Variants in MARCHF1 observed in about 807,000 individuals in gnomAD.
MARCHF1 encodes the protein membrane associated ring-CH-type finger 1, also known as E3 ubiquitin-protein ligase MARCHF1.
A neutral mutation model predicts 54.2 loss-of-function variants in MARCHF1; 40 were observed. That is an observed-to-expected ratio of 0.74 (90% confidence interval 0.57 to 0.96). The LOEUF (loss-of-function observed/expected upper bound fraction) is 0.96. MARCHF1 is among the 40% of genes least tolerant of loss of function. The pLI is 0.00. For missense variants in MARCHF1, 586 were observed against 656.5 expected (o/e 0.89, Z 1.17); for synonymous variants, 236 against 236.3 (o/e 1.00, Z 0.01).
chr4:163,800,469 T>C (rs1470196911), intron 4 of MARCHF1, among the ~76,000 whole-genome samples: 1 of 151,994 alleles, frequency 6.6e-6, no homozygotes, highest in Non-Finnish European at 1.5e-5. Flanking sequence ...AGTATTTTTC[T>C]TTTTACTTTT....
chr4:164,180,409 T>C (rs1189282446), intron 1 of MARCHF1, among the ~76,000 whole-genome samples: 2 of 152,230 alleles, frequency 1.3e-5, no homozygotes, highest in Non-Finnish European at 2.9e-5. Flanking sequence ...AAAAAATTGC[T>C]ACCTAATAGT....
intron 1 of MARCHF1, among the ~76,000 whole-genome samples, chr4:164,371,110 C>T (rs911689926): frequency 6.6e-6 from 1 of 151,858 alleles, no homozygotes; most frequent in African/African-American, 2.4e-5. Flanking sequence ...TAATAGAGAA[C>T]CAAGAACAGA....
intron 4 of MARCHF1, among the ~76,000 whole-genome samples, chr4:163,736,930 A>C (rs1746050939): frequency 6.6e-6 from 1 of 152,058 alleles, no homozygotes; most frequent in African/African-American, 2.4e-5. Flanking sequence ...TAATACTCCA[A>C]AGTGAAAAGC....
intron 2 of MARCHF1, among the ~76,000 whole-genome samples, chr4:164,030,899 T>C (rs1753863042): frequency 6.6e-6 from 1 of 152,128 alleles, no homozygotes; most frequent in Non-Finnish European, 1.5e-5. Flanking sequence ...TGTTGGTGTA[T>C]AGGAATGCTT....
intron 8 of MARCHF1, among the ~76,000 whole-genome samples, chr4:163,559,587 T>A (rs1739401906): frequency 6.6e-6 from 1 of 152,226 alleles, no homozygotes; most frequent in African/African-American, 2.4e-5. Context: ...ATAGTTTAAA[T>A]GACAGGAGCC....
At chr4:164,142,300 C>G (rs1412203930) in intron 1 of MARCHF1, among the ~76,000 whole-genome samples, 1 of 152,152 alleles carries the variant, frequency 6.6e-6, no homozygotes, top group Admixed American at 6.5e-5. Flanking sequence ...CCTGGAAGCT[C>G]AAACTGGGTG....
chr4:163,702,451 GTTA>G (rs2111234280), intron 4 of MARCHF1, among the ~76,000 whole-genome samples: 1 of 152,230 alleles, frequency 6.6e-6, no homozygotes, highest in Non-Finnish European at 1.5e-5. Flanking sequence ...GGTAGCAGTG[GTTA>G]TTTTGTTATG....
At chr4:163,602,856 G>GA (rs1308920482) in intron 7 of MARCHF1, among the ~76,000 whole-genome samples, 4 of 151,660 alleles carry the variant, frequency 2.6e-5, no homozygotes, top group African/African-American at 7.3e-5. Context: ...AACAAAAGCT[G>GA]AAAAAAAATC....
intron 1 of MARCHF1, among the ~76,000 whole-genome samples, chr4:164,122,954 T>A (rs916853901): frequency 3.3e-5 from 5 of 151,994 alleles, no homozygotes; most frequent in African/African-American, 1.2e-4. Context: ...AGAAAGCAAT[T>A]CAAGAAATTC....
intron 1 of MARCHF1, among the ~76,000 whole-genome samples, chr4:164,149,942 T>G (rs992625646): frequency 6.6e-6 from 1 of 152,222 alleles, no homozygotes; most frequent in Non-Finnish European, 1.5e-5. Context: ...AAAAGTAATC[T>G]GATTTCCTGA....
intron 8 of MARCHF1, chr4:163,584,860 G>A (rs1307803543): frequency 6.6e-6 from 1 of 152,150 alleles, no homozygotes; most frequent in Admixed American, 6.6e-5. Context: ...AAGCAACTCT[G>A]GGATGATTCA....
chr4:163,789,592 A>G (rs1561078565), intron 4 of MARCHF1, among the ~76,000 whole-genome samples: 1 of 137,716 alleles, frequency 7.3e-6, no homozygotes, highest in Non-Finnish European at 1.7e-5. Context: ...AAAGGAGCTG[A>G]TTCTTGGCTC....
At chr4:163,750,162 C>T (rs1746478729) in intron 4 of MARCHF1, among the ~76,000 whole-genome samples, 2 of 152,000 alleles carry the variant, frequency 1.3e-5, no homozygotes, top group Admixed American at 1.3e-4. Context: ...TATTCTGCTC[C>T]CTAGGAATCC....
intron 1 of MARCHF1, chr4:164,189,930 A>G (rs1731080029): frequency 6.4e-7 from 1 of 1,566,932 alleles, no homozygotes. Flanking sequence ...GGGTACAGGG[A>G]ACAAAAATAA....
chr4:164,050,190 G>A (rs1010379266), intron 2 of MARCHF1, among the ~76,000 whole-genome samples: 14 of 144,068 alleles, frequency 9.7e-5, no homozygotes, highest in East Asian at 2.1e-4. Context: ...CAGGAGAATC[G>A]CTTGAACCCA....
intron 3 of MARCHF1, among the ~76,000 whole-genome samples, chr4:163,931,367 C>A (rs987961394): frequency 2.6e-5 from 4 of 151,978 alleles, no homozygotes; most frequent in African/African-American, 9.7e-5. Flanking sequence ...AAAGTGTTAA[C>A]CCCCAAAGTG....
At chr4:164,148,504 T>C (rs939237132) in intron 1 of MARCHF1, among the ~76,000 whole-genome samples, 2 of 152,178 alleles carry the variant, frequency 1.3e-5, no homozygotes, top group African/African-American at 2.4e-5. Flanking sequence ...TCTTTATTCA[T>C]ACTTTGCTTT....
chr4:163,920,401 A>T (rs1227574104), intron 3 of MARCHF1, among the ~76,000 whole-genome samples: 1 of 152,212 alleles, frequency 6.6e-6, no homozygotes, highest in Non-Finnish European at 1.5e-5. Flanking sequence ...ATTGATGCTG[A>T]TACCTTGTAG....
chr4:163,540,440 T>C (rs1016950624), intron 9 of MARCHF1, among the ~76,000 whole-genome samples: 1 of 152,176 alleles, frequency 6.6e-6, no homozygotes, highest in Non-Finnish European at 1.5e-5. Flanking sequence ...TCTTTACTTT[T>C]GTCCTGGTTG....
Sources: allele counts gnomAD v4.1 joint callset (sites outside exome capture counted in the v4.1 genomes callset), GRCh38; gene constraint gnomAD v4.1.1; transcripts MANE v1.5; gene names NCBI Gene and HGNC (gene_info 2026-07-23, HGNC 2026-07-21).